CLEC1A: variants seen among roughly 807,000 people sequenced by gnomAD.
CLEC1A encodes C-type lectin-like receptor-1.
In CLEC1A, 34 loss-of-function variants were observed where a neutral mutation model predicts 28.7. That is an observed-to-expected ratio of 1.18 (90% CI 0.90 to 1.57). The LOEUF (loss-of-function observed/expected upper bound fraction) is 1.57, where lower values mean the gene tolerates loss of function less well. Ranked by LOEUF, CLEC1A falls within the 40% of genes most tolerant of loss-of-function variation. The pLI, the probability that CLEC1A is intolerant of heterozygous loss-of-function variation, is 0.00. For synonymous variants in CLEC1A, 116 were observed against 121.0 expected, an observed-to-expected ratio of 0.96 and a Z score of 0.27; for missense variants, 385 against 339.5, an observed-to-expected ratio of 1.13 and a Z score of -1.05.
At chr12:10,093,716 T>C (rs1365575303) in intron 1 of CLEC1A, among the ~76,000 whole-genome samples, 2 of 152,018 alleles carry the variant, frequency 1.3e-5, no homozygotes, top group Non-Finnish European at 2.9e-5. Flanking sequence ...CGCTATACTC[T>C]GCACACTTTT....
chr12:10,072,299 G>A (rs1866151119), intron 5 of CLEC1A, among the ~76,000 whole-genome samples: 1 of 152,150 alleles, frequency 6.6e-6, no homozygotes, highest in Admixed American at 6.5e-5. Context: ...TGTACAGCCT[G>A]CAGGATTGTG....
intron 3 of CLEC1A, among the ~76,000 whole-genome samples, chr12:10,078,658 A>G (rs1866303195): frequency 6.6e-6 from 1 of 152,204 alleles, no homozygotes; most frequent in Non-Finnish European, 1.5e-5. Context: ...AGAATGTGGG[A>G]CTTTTAGTAC....
Position 10,098,867 on chromosome 12 carries a change from G to C in CLEC1A, c.56C>G (p.Thr19Ser). ...RDMLDDDGDT[T>S]MSLHSQGSAT... Reference sequence around the variant, plus strand: ...AGAGCCTTGAGAATGCAGGCTCATGGTGGTGTCCCCATCATCATCCAGCAT... The same window carrying C: ...AGAGCCTTGAGAATGCAGGCTCATGCTGGTGTCCCCATCATCATCCAGCAT... The change falls in exon 1 of 6, where the codon ACC becomes AGC. Residue 19 changes from threonine to serine, a missense_variant. By Grantham distance (58) the Thr-to-Ser change is moderately conservative. Transcript: ENST00000315330. 1 of 1,613,774 alleles carries C rather than the reference G, an allele frequency of 6.2e-7. No individual in the cohort carries two copies. The highest frequency in any genetic ancestry group is 1.1e-5 in the South Asian group (1 of 90,956).
intron 3 of CLEC1A, 128 bp downstream of exon 3, chr12:10,081,109 A>G: frequency 1.4e-6 from 1 of 734,956 alleles, no homozygotes; most frequent in Non-Finnish European, 2.2e-6. Context: ...CATGATCTTG[A>G]AGCCCAAACC....
chr12:10,094,314 G>T (rs1277515455), intron 1 of CLEC1A, among the ~76,000 whole-genome samples: 7 of 151,904 alleles, frequency 4.6e-5, no homozygotes, highest in Admixed American at 4.6e-4. Context: ...CATTTTACAG[G>T]TAGGGAACTG....
At chr12:10,084,196 G>C (rs1866429477) in intron 2 of CLEC1A, 1 of 152,198 alleles carries the variant, frequency 6.6e-6, no homozygotes, top group Non-Finnish European at 1.5e-5. Context: ...GGATGTAAGG[G>C]CAATCTGGCT....
chr12:10,087,468 A>T (rs1303361893), intron 2 of CLEC1A, among the ~76,000 whole-genome samples: 4 of 101,812 alleles, frequency 3.9e-5, no homozygotes, highest in African/African-American at 1.4e-4. Context: ...GACATACCTC[A>T]AAGTTATATA....
At chr12:10,081,654 G>T (rs2137346327) in intron 2 of CLEC1A, among the ~76,000 whole-genome samples, 1 of 130,344 alleles carries the variant, frequency 7.7e-6, no homozygotes, top group South Asian at 2.3e-4. Flanking sequence ...GGCTAAGAGG[G>T]CTAAGATAGA....
intron 2 of CLEC1A, among the ~76,000 whole-genome samples, chr12:10,082,821 C>T (rs775802902): frequency 6.6e-6 from 1 of 152,240 alleles, no homozygotes. Flanking sequence ...ATTCCACTGC[C>T]TGCAACATCC....
chr12:10,079,320 A>T (rs956533474), intron 3 of CLEC1A, among the ~76,000 whole-genome samples: 1 of 152,238 alleles, frequency 6.6e-6, no homozygotes, highest in Non-Finnish European at 1.5e-5. Flanking sequence ...AGAAATAAAA[A>T]GTAGCAGATT....
rs768916560 is a variant in CLEC1A, at chr12:10,081,419, C to T, written c.215-6G>A. ...GAGCTGGTAGTACTGAAAAACTAAC[C>T]CAAATGACCAAGTCAGACTGGACAG... On this transcript the variant is annotated splice_region_variant and splice_polypyrimidine_tract_variant and intron_variant, in intron 2 of 5. Coordinates refer to ENST00000315330, the MANE Select transcript of CLEC1A (RefSeq NM_016511.4). 33 of 1,588,854 alleles carry T rather than the reference C, an allele frequency of 2.1e-5. No homozygotes were observed. Among genetic ancestry groups the T allele is most frequent in the Non-Finnish European group, 2.8e-5 (33 of 1,169,568 alleles).
intron 2 of CLEC1A, among the ~76,000 whole-genome samples, chr12:10,087,291 G>A (rs1866515384): frequency 6.7e-6 from 1 of 148,942 alleles, no homozygotes; most frequent in African/African-American, 2.5e-5. Flanking sequence ...TTTTATCCCA[G>A]GGATGCAGGG....
rs548539727 is a variant in CLEC1A, at chr12:10,071,345, G to A, written c.831C>T (p.Gly277=). 27 of 1,613,238 alleles carry A rather than the reference G, an allele frequency of 1.7e-5. No individual in the cohort carries two copies. The highest frequency in any genetic ancestry group is 6.6e-5 in the South Asian group (6 of 90,926). The change falls in exon 6 of 6, where the codon GGC becomes GGT. Residue 277 remains glycine (G), a synonymous_variant. Transcript: ENST00000315330. ...TGCAGAGGGCGAATCAGTCACCTTC[G>A]CCTAATGTTTCAGGGGGGACATGGA... The part of the protein sequence containing the change: ...ESLHVPPETL[G]EGD
At chr12:10,086,543 A>G (rs551652624) in intron 2 of CLEC1A, among the ~76,000 whole-genome samples, 118 of 152,288 alleles carry the variant, frequency 7.7e-4, no homozygotes, top group Middle Eastern at 3.4e-3. Flanking sequence ...AATACGAAAG[A>G]TCACAAAGTC....
Position 10,070,111 on chromosome 12 carries a change from G to A in CLEC1A, c.*1222C>T, listed in dbSNP as rs4764228. ...CCCTGTTATATTTGTGCATGGAGTC[G>A]TCTCAAGAAAGAAGTGCCTCACAAA... On this transcript the variant is annotated 3_prime_UTR_variant, in exon 6 of 6. Transcript: ENST00000315330. 0.96 allele frequency: 145,867 copies of A among 152,290 alleles called. 70,169 individuals carry two copies. Among genetic ancestry groups the A allele is most frequent in the East Asian group, 1 (5,184 of 5,184 alleles). The allele number at this position is 152,290 out of a possible 1,614,324, so 9.4% of individuals were successfully genotyped here.
In CLEC1A at chr12:10,071,310, T is replaced by C. The variant is rs1866121573; in HGVS notation, c.*23A>G. ...TTTGGCACCGCCTGGCTCACTCTGC[T>C]ATTTGTAGTTGCAGAGGGCGAATCA... On this transcript the variant is annotated 3_prime_UTR_variant, in exon 6 of 6. Coordinates refer to ENST00000315330, the MANE Select transcript of CLEC1A (RefSeq NM_016511.4). The C allele has an allele frequency of 3.7e-6, 6 of 1,606,398 alleles. 1 individual carries two copies. The highest frequency in any genetic ancestry group is 1.7e-4 in the Middle Eastern group (1 of 5,966).
At chr12:10,089,557 T>C (rs1200813111) in intron 1 of CLEC1A, among the ~76,000 whole-genome samples, 1 of 151,886 alleles carries the variant, frequency 6.6e-6, no homozygotes, top group Admixed American at 6.6e-5. Flanking sequence ...TATGAAAGAC[T>C]CTCACGAAAA....
At chr12:10,096,739 T>A (rs1170867873) in intron 1 of CLEC1A, among the ~76,000 whole-genome samples, 1 of 152,098 alleles carries the variant, frequency 6.6e-6, no homozygotes, top group Non-Finnish European at 1.5e-5. Context: ...ACTGAAAACC[T>A]TCATGACTTT....
At position 10,083,280 on chromosome 12, in the gene CLEC1A, T is replaced by C. The variant is rs552849466; in HGVS notation, c.215-1867A>G. ...CCCAAATGACAAGGAAACAGAAAAATAATTCTGGTAATATGACAAAACAGG... is the reference window on the plus strand; with the variant it reads ...CCCAAATGACAAGGAAACAGAAAAACAATTCTGGTAATATGACAAAACAGG... On this transcript the variant is annotated intron_variant, in intron 2 of 5. Transcript: ENST00000315330. Among the ~76,000 whole-genome samples the C allele has an allele frequency of 6.6e-5, 10 of 152,126 alleles. 1 individual carries two copies. The South Asian group carries it at 1.9e-3, about 28-fold the overall frequency.
Sources: allele counts gnomAD v4.1 joint callset (sites outside exome capture counted in the v4.1 genomes callset), GRCh38; gene constraint gnomAD v4.1.1; transcripts MANE v1.5; gene names NCBI Gene and HGNC (gene_info 2026-07-23, HGNC 2026-07-21).